ING3: variants seen among roughly 807,000 people sequenced by gnomAD.
The protein encoded by ING3 is inhibitor of growth family member 3.
ING3 carries 6 observed loss-of-function variants against 64.8 expected under a neutral mutation model. The observed-to-expected ratio is 0.09, with a 90% CI of 0.05 to 0.18. The LOEUF is 0.18. ING3 is among the 10% of genes least tolerant of loss of function. ING3 has a pLI of 1.00. For missense variants in ING3, 310 were observed against 489.7 expected (o/e 0.63, Z 3.46); for synonymous variants, 170 against 173.7 (o/e 0.98, Z 0.17).
In ING3 at chr7:120,950,937, C is replaced by G; in HGVS notation, c.28+13C>G. On this transcript the variant is annotated intron_variant, in intron 1 of 11. Transcript: ENST00000315870. ...GACTATCTGGAAAGTGAGTGCGCGG[C>G]GCTGGCGGCGGCCGCCAGTGGGACG... The G allele has an allele frequency of 6.2e-7, 1 of 1,608,920 alleles. No individual in the cohort carries two copies. The highest frequency in any genetic ancestry group is 8.5e-7 in the Non-Finnish European group (1 of 1,177,638).
In ING3 at chr7:120,976,442, A is replaced by C. The variant is rs1032867248; in HGVS notation, c.*1598A>C. On this transcript the variant is annotated 3_prime_UTR_variant, in exon 12 of 12. Coordinates refer to ENST00000315870, the MANE Select transcript of ING3 (RefSeq NM_019071.3). ...CACAGTCTGATTATACAACTCTACC[A>C]GCTCCCTAAACAAGTTAGGTTCATT... The C allele has an allele frequency of 1.4e-4, 21 of 152,178 alleles. No homozygotes were observed. Among genetic ancestry groups the C allele is most frequent in the African/African-American group, 5.1e-4 (21 of 41,450 alleles). 9.4% of individuals were successfully genotyped at this position (152,178 alleles called of 1,614,324 possible). A position where few individuals can be genotyped will look rare whatever the true frequency, so the allele number is the denominator to read the frequency against.
At chr7:120,958,424 C>G (rs950704921) in intron 4 of ING3, among the ~76,000 whole-genome samples, 1 of 152,168 alleles carries the variant, frequency 6.6e-6, no homozygotes, top group Non-Finnish European at 1.5e-5. Context: ...TTCTCTGTTG[C>G]AATCATCTTA....
At chr7:120,973,062 A>G in intron 10 of ING3, 143 bp from the exon 11 acceptor site, 1 of 518,716 alleles carries the variant, frequency 1.9e-6, no homozygotes, top group South Asian at 2.3e-5. Context: ...TCAGGAAAAA[A>G]TTATTATACC....
chr7:120,962,707 C>T (rs1415504844), intron 4 of ING3, among the ~76,000 whole-genome samples: 1 of 151,998 alleles, frequency 6.6e-6, no homozygotes, highest in Non-Finnish European at 1.5e-5. Flanking sequence ...GTCTTTCTGT[C>T]TCTACATTTT....
chr7:120,953,527 A>G, intron 3 of ING3, 123 bp downstream of exon 3: 1 of 604,586 alleles, frequency 1.7e-6, no homozygotes, highest in South Asian at 2.1e-5. Flanking sequence ...TCCTTAGAAT[A>G]TAAATAATTT....
At chr7:120,965,510 C>G (rs372266236) in intron 5 of ING3, among the ~76,000 whole-genome samples, 3 of 152,252 alleles carry the variant, frequency 2.0e-5, no homozygotes, top group African/African-American at 7.2e-5. Flanking sequence ...TAGTGTGGTA[C>G]TAGGTGTAGA....
Position 120,969,026 on chromosome 7 carries a change from A to G in ING3, c.730A>G (p.Arg244Gly). Residue 244 changes from arginine to glycine, a missense_variant, in exon 9 of 12, where the codon AGA (arginine) becomes GGA (glycine). By Grantham distance (125) the Arg-to-Gly change is moderately radical (BLOSUM62 -2). Transcript: ENST00000315870. Reference sequence around the variant, plus strand: ...TCTATTTAAGATGAAGGAGGGACGAAGAACATCAAGTTTAAAAGCCAGTTA... The same window carrying G: ...TCTATTTAAGATGAAGGAGGGACGAGGAACATCAAGTTTAAAAGCCAGTTA... ...QATAQMKEGR[R>G]TSSLKASYEA... 6.2e-7 allele frequency: 1 copy of G among 1,612,320 alleles called. No homozygotes were observed. Among genetic ancestry groups the G allele is most frequent in the Non-Finnish European group, 8.5e-7 (1 of 1,178,762 alleles).
At chr7:120,968,234 T>C (rs139279560) in intron 8 of ING3, 143 bp downstream of exon 8, 100 of 789,294 alleles carry the variant, frequency 1.3e-4, no homozygotes, top group East Asian at 1.1e-3. Context: ...ATATGTGATA[T>C]TTTATTTAAT....
At chr7:120,970,597 G>T in intron 9 of ING3, 91 bp from the exon 10 acceptor site, 1 of 1,266,584 alleles carries the variant, frequency 7.9e-7, no homozygotes, top group Non-Finnish European at 1.1e-6. Flanking sequence ...TTATACATTT[G>T]ATGTCATTTC....
intron 3 of ING3, 101 bp downstream of exon 3, chr7:120,953,505 A>G: frequency 1.5e-6 from 1 of 687,624 alleles, no homozygotes; most frequent in Non-Finnish European, 2.5e-6. Context: ...ATGAGAGAAT[A>G]TTATCAATGA....
At chr7:120,955,304 T>C (rs1047795379) in intron 3 of ING3, among the ~76,000 whole-genome samples, 2 of 152,074 alleles carry the variant, frequency 1.3e-5, no homozygotes, top group African/African-American at 4.8e-5. Context: ...AATTTTTGTA[T>C]TTTTAGTAGA....
Position 120,969,006 on chromosome 7 carries a change from T to TTA in ING3, c.715-4_715-3dup. On this transcript the variant is annotated splice_polypyrimidine_tract_variant and splice_region_variant and intron_variant, in intron 8 of 11. Transcript: ENST00000315870. ...ATTGATGCTATCAATGAATGTCTATTTAAGATGAAGGAGGGACGAAGAACA... is the reference window on the plus strand; with the variant it reads ...ATTGATGCTATCAATGAATGTCTATTTATAAGATGAAGGAGGGACGAAGAACA... The TTA allele has an allele frequency of 6.3e-7, 1 of 1,597,046 alleles. No individual in the cohort carries two copies. The highest frequency in any genetic ancestry group is 8.6e-7 in the Non-Finnish European group (1 of 1,167,072).
At chr7:120,957,733 AAAGAGTGAAGT>A (rs1795870561) in intron 4 of ING3, among the ~76,000 whole-genome samples, 1 of 152,220 alleles carries the variant, frequency 6.6e-6, no homozygotes, top group African/African-American at 2.4e-5. Flanking sequence ...TTCCAAGGCT[AAAGAGTGAAGT>A]AATAAAGGCG....
chr7:120,973,300 G>GA, intron 11 of ING3, 57 bp downstream of exon 11: 1 of 1,134,130 alleles, frequency 8.8e-7, no homozygotes, highest in Non-Finnish European at 1.3e-6. Flanking sequence ...GTTATTACTT[G>GA]AATATTTGTC....
intron 11 of ING3, among the ~76,000 whole-genome samples, chr7:120,974,058 A>C (rs1796104650): frequency 6.6e-6 from 1 of 152,102 alleles, no homozygotes; most frequent in Admixed American, 6.6e-5. Flanking sequence ...GTTGTTGCAA[A>C]AACAATATTG....
chr7:120,953,233 C>A, intron 2 of ING3, 71 bp from the exon 3 acceptor site: 1 of 883,780 alleles, frequency 1.1e-6, no homozygotes, highest in Non-Finnish European at 1.7e-6. Context: ...TTTTCCCTCC[C>A]TAAATCAAAC....
chr7:120,974,031 C>T (rs1274398667), intron 11 of ING3, among the ~76,000 whole-genome samples: 1 of 152,116 alleles, frequency 6.6e-6, no homozygotes, highest in Non-Finnish European at 1.5e-5. Context: ...TCTAGAATCC[C>T]TTGTAGGCTG....
chr7:120,951,180 T>A lies in ING3; in HGVS notation c.45T>A (p.Pro15=). ...EDYLEMIEQL[P]MDLRDRFTEM... is the part of the protein sequence containing the mutation. The stretch of plus-strand genomic sequence containing the variant: ...CTTTGACAGTGATTGAGCAGCTTCC[T>A]ATGGATCTGCGGGACCGCTTCACGG... The change falls in exon 2 of 12, where the codon CCT becomes CCA. Residue 15 remains proline, a synonymous_variant. Transcript: ENST00000315870. 2 of 1,614,170 alleles carry A rather than the reference T, an allele frequency of 1.2e-6. No individual in the cohort carries two copies. The highest frequency in any genetic ancestry group is 1.7e-6 in the Non-Finnish European group (2 of 1,180,030).
chr7:120,969,196 A>G lies in ING3; in HGVS notation c.900A>G (p.Arg300=). The G allele has an allele frequency of 6.2e-7, 1 of 1,612,822 alleles. No individual in the cohort carries two copies. The highest frequency in any genetic ancestry group is 8.5e-7 in the Non-Finnish European group (1 of 1,179,288). ...CAGCAGCCGACTCACGGAGTGGTCG[A>G]AAGAGCAAGTAAGTTTTATTGTTAC... ...SSSAADSRSG[R]KSKNNNKSSS... Residue 300 remains arginine (R), a synonymous_variant, in exon 9 of 12, where the codon CGA becomes CGG. Transcript: ENST00000315870.
Sources: gnomAD v4.1 joint callset for allele counts (sites outside exome capture counted in the v4.1 genomes callset) on GRCh38, gnomAD v4.1.1 for gene constraint, MANE v1.5 for transcripts, NCBI Gene and HGNC (gene_info 2026-07-23, HGNC 2026-07-21) for gene names.